NKAIN3: variants seen among roughly 807,000 people sequenced by gnomAD.
NKAIN3 encodes the protein sodium/potassium-transporting ATPase subunit beta-1-interacting protein 3.
A neutral mutation model predicts 30.2 loss-of-function variants in NKAIN3; 25 were observed. That is an observed-to-expected ratio of 0.83 (90% confidence interval 0.60 to 1.16). The LOEUF (loss-of-function observed/expected upper bound fraction) is 1.16. NKAIN3 is among the 50% of genes most tolerant of loss of function. NKAIN3 has a pLI of 0.00. For missense variants in NKAIN3, 225 were observed against 254.1 expected (o/e 0.89, Z 0.78); for synonymous variants, 91 against 89.6 (o/e 1.02, Z -0.09).
intron 3 of NKAIN3, among the ~76,000 whole-genome samples, chr8:62,733,551 C>T (rs531923204): frequency 2.0e-5 from 3 of 152,142 alleles, no homozygotes; most frequent in Non-Finnish European, 4.4e-5. Context: ...TTTCTCTTGA[C>T]TGCGTTTTAA....
intron 4 of NKAIN3, among the ~76,000 whole-genome samples, chr8:62,818,989 G>T (rs1818771769): frequency 6.6e-6 from 1 of 151,582 alleles, no homozygotes; most frequent in Non-Finnish European, 1.5e-5. Flanking sequence ...TAAAACAACT[G>T]CAAAAAGACA....
intron 4 of NKAIN3, among the ~76,000 whole-genome samples, chr8:62,870,050 G>A (rs1422012209): frequency 6.6e-6 from 1 of 151,434 alleles, no homozygotes; most frequent in Non-Finnish European, 1.5e-5. Flanking sequence ...GATTACAGGT[G>A]TGAGCCACCG....
chr8:62,508,009 A>G (rs1807696166), intron 1 of NKAIN3, among the ~76,000 whole-genome samples: 1 of 152,164 alleles, frequency 6.6e-6, no homozygotes, highest in East Asian at 1.9e-4. Flanking sequence ...CTCATCTGGG[A>G]CAGATATCCG....
chr8:62,542,962 C>T (rs1266322895), intron 1 of NKAIN3, among the ~76,000 whole-genome samples: 1 of 152,170 alleles, frequency 6.6e-6, no homozygotes, highest in East Asian at 1.9e-4. Flanking sequence ...GTTGCCATGG[C>T]TCTTGTATTT....
intron 5 of NKAIN3, among the ~76,000 whole-genome samples, chr8:62,939,538 A>G (rs1178596350): frequency 6.6e-6 from 1 of 152,242 alleles, no homozygotes; most frequent in Non-Finnish European, 1.5e-5. Context: ...AAAACCTATC[A>G]GATTAAGAGC....
At chr8:62,814,864 C>T (rs1481024040) in intron 4 of NKAIN3, among the ~76,000 whole-genome samples, 2 of 151,982 alleles carry the variant, frequency 1.3e-5, no homozygotes, top group Non-Finnish European at 2.9e-5. Flanking sequence ...TCGCAGAAGA[C>T]AAGAAATAAC....
At chr8:62,522,115 C>T (rs937610701) in intron 1 of NKAIN3, among the ~76,000 whole-genome samples, 5 of 152,114 alleles carry the variant, frequency 3.3e-5, no homozygotes, top group African/African-American at 1.2e-4. Flanking sequence ...TAGATCTCAT[C>T]ATATTCACAT....
chr8:62,378,215 C>G (rs1286942104), intron 1 of NKAIN3, among the ~76,000 whole-genome samples: 1 of 152,166 alleles, frequency 6.6e-6, no homozygotes, highest in Non-Finnish European at 1.5e-5. Context: ...TGCCCTAGAG[C>G]TCTGTGGAGC....
At chr8:62,538,704 A>C (rs1808744822) in intron 1 of NKAIN3, among the ~76,000 whole-genome samples, 1 of 152,206 alleles carries the variant, frequency 6.6e-6, no homozygotes, top group Non-Finnish European at 1.5e-5. Context: ...CTGTGGTCTC[A>C]GGCGAATTTG....
In NKAIN3 at chr8:62,609,029, A is replaced by G. The variant is rs565263835; in HGVS notation, c.273+19235A>G. 9.9e-5 allele frequency among the ~76,000 whole-genome samples: 15 copies of G among 152,066 alleles called. No homozygotes were observed. In the East Asian group the frequency reaches 1.7e-3, roughly 18 times the overall value. The stretch of plus-strand genomic sequence containing the variant: ...GTAAGCTTTGACTTTTGTTGCAAAC[A>G]TCAGGAAATTAATCTCTAAGTCTAA... On this transcript the variant is annotated intron_variant, in intron 3 of 6. Coordinates refer to ENST00000623646, the MANE Select transcript of NKAIN3 (RefSeq NM_001304533.3).
At chr8:62,394,481 T>A (rs1198354459) in intron 1 of NKAIN3, among the ~76,000 whole-genome samples, 10 of 12,550 alleles carry the variant, frequency 8.0e-4, no homozygotes, top group African/African-American at 2.1e-3. Flanking sequence ...TAATTGCTAT[T>A]TTTTTTTTTT....
intron 4 of NKAIN3, among the ~76,000 whole-genome samples, chr8:62,824,617 T>C (rs2130735961): frequency 6.6e-6 from 1 of 152,262 alleles, no homozygotes; most frequent in African/African-American, 2.4e-5. Flanking sequence ...TGGGGAAATT[T>C]AGTCAGTCTT....
At chr8:62,589,909 G>A in intron 3 of NKAIN3, 115 bp downstream of exon 3, 1 of 319,608 alleles carries the variant, frequency 3.1e-6, no homozygotes, top group Non-Finnish European at 6.0e-6. Context: ...GTGTGTGTGT[G>A]TGTGTGTATA....
At chr8:62,528,317 AT>A (rs1486265181) in intron 1 of NKAIN3, among the ~76,000 whole-genome samples, 1 of 89,724 alleles carries the variant, frequency 1.1e-5, no homozygotes, top group Admixed American at 1.4e-4. Context: ...ATATATATAT[AT>A]TATATAATAT....
intron 3 of NKAIN3, among the ~76,000 whole-genome samples, chr8:62,600,469 G>T (rs1316568769): frequency 6.6e-6 from 1 of 151,906 alleles, no homozygotes; most frequent in Non-Finnish European, 1.5e-5. Context: ...GTAGACATTA[G>T]TATCTTTATT....
chr8:62,716,678 G>A (rs1056183608), intron 3 of NKAIN3, among the ~76,000 whole-genome samples: 1 of 151,900 alleles, frequency 6.6e-6, no homozygotes, highest in African/African-American at 2.4e-5. Flanking sequence ...CTAAAGAGCT[G>A]GCATCAGAAC....
At chr8:62,734,592 A>G (rs1815588547) in intron 3 of NKAIN3, among the ~76,000 whole-genome samples, 1 of 152,160 alleles carries the variant, frequency 6.6e-6, no homozygotes, top group African/African-American at 2.4e-5. Flanking sequence ...TTCTCAGGGA[A>G]TTTTACCTTT....
intron 4 of NKAIN3, among the ~76,000 whole-genome samples, chr8:62,843,334 TTTTA>T (rs1213215096): frequency 2.6e-5 from 4 of 151,146 alleles, no homozygotes; most frequent in Non-Finnish European, 5.9e-5. Flanking sequence ...TTAATTAATT[TTTTA>T]TTTATTTATT....
At chr8:62,353,748 A>G (rs1740581384) in intron 1 of NKAIN3, among the ~76,000 whole-genome samples, 1 of 152,214 alleles carries the variant, frequency 6.6e-6, no homozygotes, top group African/African-American at 2.4e-5. Flanking sequence ...TTTTTTGTCA[A>G]ATGTGAGTAA....
Sources: allele counts gnomAD v4.1 joint callset (sites outside exome capture counted in the v4.1 genomes callset), GRCh38; gene constraint gnomAD v4.1.1; transcripts MANE v1.5; gene names NCBI Gene and HGNC (gene_info 2026-07-23, HGNC 2026-07-21).